Variants in HCN1 observed in about 807,000 individuals in gnomAD.
HCN1 encodes hyperpolarization activated cyclic nucleotide gated potassium channel 1.
In HCN1, 13 loss-of-function variants were observed where a neutral mutation model predicts 78.9. The ratio of observed to expected loss-of-function variants is 0.16; its 90% CI spans 0.11 to 0.26. HCN1 has a LOEUF of 0.26. HCN1 is among the 10% of genes least tolerant of loss of function. The pLI is 1.00. For missense variants in HCN1, 810 were observed against 1,154.3 expected (o/e 0.70, Z 4.32); for synonymous variants, 552 against 455.5 (o/e 1.21, Z -2.70).
intron 4 of HCN1, among the ~76,000 whole-genome samples, chr5:45,371,082 A>G (rs1432072074): frequency 6.6e-6 from 1 of 152,046 alleles, no homozygotes; most frequent in African/African-American, 2.4e-5. Context: ...TTTGAAAAGC[A>G]GTCTTAAGAT....
At chr5:45,523,928 C>T (rs1370149614) in intron 2 of HCN1, among the ~76,000 whole-genome samples, 2 of 152,098 alleles carry the variant, frequency 1.3e-5, no homozygotes, top group Non-Finnish European at 2.9e-5. Flanking sequence ...GACATGAAGT[C>T]CTTGCCCATG....
chr5:45,464,251 G>A (rs1303897338), intron 2 of HCN1, among the ~76,000 whole-genome samples: 1 of 151,966 alleles, frequency 6.6e-6, no homozygotes, highest in Non-Finnish European at 1.5e-5. Context: ...AAGTTAATGG[G>A]GATATAACAT....
At chr5:45,457,002 T>C (rs1741043053) in intron 3 of HCN1, among the ~76,000 whole-genome samples, 1 of 152,106 alleles carries the variant, frequency 6.6e-6, no homozygotes, top group Admixed American at 6.6e-5. Context: ...GACATTCAGA[T>C]AATCCTAAAT....
Position 45,402,874 on chromosome 5 carries a change from T to TTCCC in HCN1, c.1012-6168_1012-6165dup, listed in dbSNP as rs530896512. Among the ~76,000 whole-genome samples the TTCCC allele has an allele frequency of 4.3e-5, 6 of 138,454 alleles. No homozygotes were observed. In the South Asian group the frequency reaches 1.3e-3, roughly 29 times the overall value. 90.8% of individuals were successfully genotyped at this position (138,454 alleles called of 152,430 possible). On this transcript the variant is annotated intron_variant, in intron 3 of 7. Transcript: ENST00000303230. Reference sequence around the variant, plus strand: ...TTCCTTCCTTCCTTCCTCTACTTCCTTCCCTCCCTCCCTCCCTCCTTTTCT... The same window carrying TTCCC: ...TTCCTTCCTTCCTTCCTCTACTTCCTTCCCTCCCTCCCTCCCTCCCTCCTTTTCT...
chr5:45,346,117 G>T (rs1157321196), intron 5 of HCN1, among the ~76,000 whole-genome samples: 1 of 152,122 alleles, frequency 6.6e-6, no homozygotes, highest in East Asian at 1.9e-4. Flanking sequence ...GATCTCGTGA[G>T]AACTTACTCA....
chr5:45,266,081 C>T (rs1186109905), intron 7 of HCN1, among the ~76,000 whole-genome samples: 1 of 152,098 alleles, frequency 6.6e-6, no homozygotes, highest in Non-Finnish European at 1.5e-5. Flanking sequence ...ATGCATACTA[C>T]CTTACAACAT....
At chr5:45,466,795 A>C (rs936509233) in intron 2 of HCN1, among the ~76,000 whole-genome samples, 7 of 152,160 alleles carry the variant, frequency 4.6e-5, no homozygotes, top group African/African-American at 1.7e-4. Context: ...CTTTAGGTAC[A>C]AAGTGTAGAA....
At chr5:45,337,183 T>G (rs1039259339) in intron 5 of HCN1, among the ~76,000 whole-genome samples, 2 of 152,048 alleles carry the variant, frequency 1.3e-5, no homozygotes, top group Non-Finnish European at 2.9e-5. Flanking sequence ...GAATGACTAA[T>G]GCATAAACAC....
intron 4 of HCN1, among the ~76,000 whole-genome samples, chr5:45,391,884 T>A (rs1739573157): frequency 1.3e-5 from 2 of 152,040 alleles, no homozygotes; most frequent in South Asian, 4.1e-4. Context: ...AATGGCATGA[T>A]CAAGAAACAT....
chr5:45,471,349 A>G (rs1194206964), intron 2 of HCN1, among the ~76,000 whole-genome samples: 1 of 151,734 alleles, frequency 6.6e-6, no homozygotes, highest in African/African-American at 2.4e-5. Context: ...ATAACTTCTG[A>G]CTCCAACTCC....
chr5:45,680,549 T>G (rs1471723157), intron 1 of HCN1, among the ~76,000 whole-genome samples: 5 of 152,168 alleles, frequency 3.3e-5, no homozygotes, highest in Non-Finnish European at 7.3e-5. Flanking sequence ...CTGATCCTTC[T>G]GAGACTATGT....
chr5:45,677,813 A>G (rs1444582971), intron 1 of HCN1, among the ~76,000 whole-genome samples: 2 of 151,930 alleles, frequency 1.3e-5, no homozygotes, highest in Non-Finnish European at 2.9e-5. Flanking sequence ...TTTAATTTAC[A>G]TTAAAATGTT....
intron 5 of HCN1, among the ~76,000 whole-genome samples, chr5:45,330,226 T>A (rs1451537863): frequency 6.6e-6 from 1 of 151,336 alleles, no homozygotes; most frequent in African/African-American, 2.4e-5. Context: ...CAAACCATGA[T>A]GCCATGCTGC....
chr5:45,441,261 G>A (rs911986796), intron 3 of HCN1, among the ~76,000 whole-genome samples: 1 of 152,008 alleles, frequency 6.6e-6, no homozygotes, highest in African/African-American at 2.4e-5. Flanking sequence ...CAACTATGAG[G>A]AAAAGACTTT....
chr5:45,628,822 A>C (rs2112007706), intron 2 of HCN1, among the ~76,000 whole-genome samples: 1 of 152,034 alleles, frequency 6.6e-6, no homozygotes, highest in Admixed American at 6.6e-5. Context: ...AACTACAAAA[A>C]ATTAGTCGGG....
At chr5:45,270,261 C>T (rs138425644) in intron 6 of HCN1, among the ~76,000 whole-genome samples, 302 of 152,300 alleles carry the variant, frequency 2.0e-3, no homozygotes, top group African/African-American at 7.0e-3. Context: ...AGTTGTACTA[C>T]AGGTCCCTAA....
intron 2 of HCN1, among the ~76,000 whole-genome samples, chr5:45,492,296 A>ATGTG (rs375423075): frequency 0.022 from 3,163 of 140,902 alleles, 54 homozygotes; most frequent in Admixed American, 0.057. Context: ...AACTCTGTGT[A>ATGTG]TGTGTGTGTG....
intron 3 of HCN1, among the ~76,000 whole-genome samples, chr5:45,404,092 G>T (rs1453038703): frequency 6.6e-6 from 1 of 152,148 alleles, no homozygotes; most frequent in Non-Finnish European, 1.5e-5. Context: ...TTGAATGATG[G>T]CTTGAATGGG....
chr5:45,412,241 C>T (rs1740038356), intron 3 of HCN1, among the ~76,000 whole-genome samples: 1 of 152,220 alleles, frequency 6.6e-6, no homozygotes, highest in Non-Finnish European at 1.5e-5. Context: ...GAGTTTAAAG[C>T]ATTTCATCTT....
Sources: gnomAD v4.1 joint callset for allele counts (sites outside exome capture counted in the v4.1 genomes callset) on GRCh38, gnomAD v4.1.1 for gene constraint, MANE v1.5 for transcripts, NCBI Gene and HGNC (gene_info 2026-07-23, HGNC 2026-07-21) for gene names.